The following TMEM132B variants were observed in gnomAD, a reference collection of about 807,000 sequenced individuals.
The protein encoded by TMEM132B is transmembrane protein 132B.
A neutral mutation model predicts 90.8 loss-of-function variants in TMEM132B; 18 were observed. That is an observed-to-expected ratio of 0.20 (90% CI 0.14 to 0.29). TMEM132B has a LOEUF of 0.29. TMEM132B is among the 10% of genes least tolerant of loss of function. The pLI is 1.00. For synonymous variants in TMEM132B, 504 were observed against 523.3 expected, an observed-to-expected ratio of 0.96 and a Z score of 0.50; for missense variants, 1,096 against 1,326.8, an observed-to-expected ratio of 0.83 and a Z score of 2.70.
At chr12:125,514,617 G>A (rs1459006574) in intron 3 of TMEM132B, among the ~76,000 whole-genome samples, 4 of 152,222 alleles carry the variant, frequency 2.6e-5, no homozygotes, top group African/African-American at 9.6e-5. Context: ...CTGCCTGGTA[G>A]CTCAGAACCA....
chr12:125,654,034 T>C lies in TMEM132B; in HGVS notation c.2576T>C (p.Met859Thr), dbSNP rs372536349. 16 of 1,613,940 alleles carry C rather than the reference T, an allele frequency of 9.9e-6. No homozygotes were observed. The highest frequency in any genetic ancestry group is 4.0e-5 in the African/African-American group (3 of 74,900). Residue 859 changes from methionine to threonine, a missense_variant, in exon 9 of 9, where the codon ATG becomes ACG. Coordinates refer to ENST00000682704, the MANE Select transcript of TMEM132B (RefSeq NM_001366854.1). The surrounding 1 kb of genome is among the most constrained non-coding windows in gnomAD (Gnocchi z 5.8). Reference sequence around the variant, plus strand: ...AAAAGCACAACCCCCCAGTCTCCCATGGAAGGGAAGAATAAGTTACTCAAA... The same window carrying C: ...AAAAGCACAACCCCCCAGTCTCCCACGGAAGGGAAGAATAAGTTACTCAAA... ...TNKSTTPQSP[M>T]EGKNKLLKSG... is the part of the protein sequence containing the mutation.
chr12:125,576,509 A>G (rs1440879893), intron 4 of TMEM132B, among the ~76,000 whole-genome samples: 1 of 140,662 alleles, frequency 7.1e-6, no homozygotes, highest in East Asian at 2.1e-4. Context: ...CCAGTACAAC[A>G]CTGGATAGAA....
Position 125,311,260 on chromosome 12 carries a change from G to A in TMEM132B, c.68-38192G>A, listed in dbSNP as rs948945776. ...TAGAGAAACCGGGTCACCGTTACAA[G>A]AGCGGTGCCATTTTGATTCTGGGTT... On this transcript the variant is annotated intron_variant, in intron 1 of 8. Transcript: ENST00000682704. Among the ~76,000 whole-genome samples, 3 of 152,312 alleles carry A rather than the reference G, an allele frequency of 2.0e-5. No homozygotes were observed. The South Asian group carries it at 6.2e-4, about 32-fold the overall frequency.
intron 5 of TMEM132B, among the ~76,000 whole-genome samples, chr12:125,625,241 T>G (rs1228945968): frequency 1.4e-5 from 2 of 147,212 alleles, no homozygotes. Context: ...CACGCCATTC[T>G]CCTGCCTCAG....
intron 1 of TMEM132B, among the ~76,000 whole-genome samples, chr12:125,254,368 CAGG>C (rs770499093): frequency 5.3e-5 from 8 of 152,168 alleles, no homozygotes; most frequent in Non-Finnish European, 1.2e-4. Context: ...GCATCCTGAT[CAGG>C]AGAACTTAAG....
At position 125,661,882 on chromosome 12, in the gene TMEM132B, A is replaced by G. The variant is rs1018161368; in HGVS notation, c.*7172A>G. 1.3e-5 allele frequency: 2 copies of G among 152,338 alleles called. No homozygotes were observed. Among genetic ancestry groups the G allele is most frequent in the Non-Finnish European group, 2.9e-5 (2 of 68,032 alleles). 9.4% of individuals were successfully genotyped at this position (152,338 alleles called of 1,614,324 possible). A position where few individuals can be genotyped will look rare whatever the true frequency, so the allele number is the denominator to read the frequency against. On this transcript the variant is annotated 3_prime_UTR_variant, in exon 9 of 9. Coordinates refer to ENST00000682704, the MANE Select transcript of TMEM132B (RefSeq NM_001366854.1). The stretch of plus-strand genomic sequence containing the variant: ...AGGTAGTGTGTGTCTTCCCATGGCA[A>G]ATAATTTTTACAATACTGCTCATGT...
At chr12:125,553,818 A>G (rs755150650) in intron 4 of TMEM132B, among the ~76,000 whole-genome samples, 12 of 152,230 alleles carry the variant, frequency 7.9e-5, no homozygotes, top group Non-Finnish European at 1.6e-4. Flanking sequence ...GACAGGCAAC[A>G]GCATCCAAAT....
At chr12:125,617,849 C>T (rs1886028044) in intron 5 of TMEM132B, among the ~76,000 whole-genome samples, 1 of 151,966 alleles carries the variant, frequency 6.6e-6, no homozygotes, top group Non-Finnish European at 1.5e-5. Flanking sequence ...TTGTCCAGAC[C>T]CCAGGAGAGC....
intron 4 of TMEM132B, among the ~76,000 whole-genome samples, chr12:125,557,177 T>C (rs1258402446): frequency 2.6e-5 from 4 of 152,194 alleles, no homozygotes; most frequent in Admixed American, 2.6e-4. Context: ...TACATATGTG[T>C]ATATATAGTT....
intron 1 of TMEM132B, among the ~76,000 whole-genome samples, chr12:125,281,222 T>C (rs1875160985): frequency 6.6e-6 from 1 of 151,928 alleles, no homozygotes; most frequent in African/African-American, 2.4e-5. Context: ...GGAGTGGGTG[T>C]GAGCAGGAAT....
At chr12:125,543,472 G>A (rs773741878) in intron 4 of TMEM132B, among the ~76,000 whole-genome samples, 32 of 152,198 alleles carry the variant, frequency 2.1e-4, no homozygotes, top group Non-Finnish European at 3.7e-4. Context: ...ATAGGTATAT[G>A]CAAATACTGT....
At chr12:125,642,398 A>G (rs1886655351) in intron 5 of TMEM132B, among the ~76,000 whole-genome samples, 1 of 152,234 alleles carries the variant, frequency 6.6e-6, no homozygotes. Flanking sequence ...TTTTTATAAA[A>G]TAAAGCAAAG....
chr12:125,401,478 T>C (rs899457301), intron 2 of TMEM132B, among the ~76,000 whole-genome samples: 1 of 152,086 alleles, frequency 6.6e-6, no homozygotes, highest in Non-Finnish European at 1.5e-5. Flanking sequence ...CTAGGAAAAC[T>C]TCACTGAGAG....
intron 1 of TMEM132B, among the ~76,000 whole-genome samples, chr12:125,270,112 T>TTGTGTGTG (rs59168219): frequency 0.097 from 13,922 of 143,104 alleles, 793 homozygotes; most frequent in African/African-American, 0.14. Context: ...CACATCTTTG[T>TTGTGTGTG]TGTGTGTGTG....
chr12:125,228,545 C>G (rs1367982791), intron 1 of TMEM132B, among the ~76,000 whole-genome samples: 1 of 152,200 alleles, frequency 6.6e-6, no homozygotes, highest in Non-Finnish European at 1.5e-5. Context: ...TTGGAAAACA[C>G]AGGGAGGATA....
intron 4 of TMEM132B, among the ~76,000 whole-genome samples, chr12:125,528,687 T>G (rs1883560168): frequency 6.6e-6 from 1 of 152,178 alleles, no homozygotes; most frequent in Non-Finnish European, 1.5e-5. Flanking sequence ...CCCTCTACAG[T>G]CAAAAATCTC....
chr12:125,466,093 G>A (rs1345865477), intron 3 of TMEM132B, among the ~76,000 whole-genome samples: 1 of 152,226 alleles, frequency 6.6e-6, no homozygotes, highest in Non-Finnish European at 1.5e-5. Context: ...GTTCAGAAGA[G>A]AGGTCTGGCC....
intron 3 of TMEM132B, among the ~76,000 whole-genome samples, chr12:125,504,973 G>A (rs998844948): frequency 2.0e-4 from 31 of 151,820 alleles, no homozygotes; most frequent in African/African-American, 7.3e-4. Context: ...CCCTGGAATC[G>A]CACATGCATT....
At chr12:125,609,816 CAAAAAAAAAAAAAAA>C (rs763840695) in intron 5 of TMEM132B, among the ~76,000 whole-genome samples, 1 of 39,432 alleles carries the variant, frequency 2.5e-5, no homozygotes, top group African/African-American at 9.8e-5. Flanking sequence ...GACTCTGTCT[CAAAAAAAAAAAAAAA>C]AAAAAAAAAA....
Sources: gnomAD v4.1 joint callset for allele counts (sites outside exome capture counted in the v4.1 genomes callset) on GRCh38, gnomAD v4.1.1 for gene constraint, Gnocchi (gnomAD v3.1) non-coding constraint, MANE v1.5 for transcripts, NCBI Gene and HGNC (gene_info 2026-07-23, HGNC 2026-07-21) for gene names.